The following RELN variants were observed in gnomAD, a reference collection of about 807,000 sequenced individuals.
RELN encodes reelin.
A neutral mutation model predicts 427.6 loss-of-function variants in RELN; 108 were observed. The ratio of observed to expected loss-of-function variants is 0.25; its 90% confidence interval spans 0.22 to 0.30. The LOEUF (loss-of-function observed/expected upper bound fraction) is 0.30. Ranked by LOEUF, RELN falls within the 10% of genes least tolerant of loss-of-function variation. RELN has a pLI of 1.00. For missense variants in RELN, 3,715 were observed against 4,302.8 expected (o/e 0.86, Z 3.82); for synonymous variants, 1,524 against 1,513.4 (o/e 1.01, Z -0.16).
chr7:103,728,609 T>C (rs1228542020), intron 6 of RELN, among the ~76,000 whole-genome samples: 1 of 152,144 alleles, frequency 6.6e-6, no homozygotes, highest in African/African-American at 2.4e-5. Context: ...AATTATATAA[T>C]ATATACATGC....
Position 103,620,755 on chromosome 7 carries a change from T to G in RELN, c.2703-8952A>C, listed in dbSNP as rs1832200312. Among the ~76,000 whole-genome samples, 2 of 152,334 alleles carry G rather than the reference T, an allele frequency of 1.3e-5. No homozygotes were observed. The highest frequency in any genetic ancestry group is 4.1e-4 in the South Asian group (2 of 4,824). On this transcript the variant is annotated intron_variant, in intron 20 of 64. Coordinates refer to ENST00000428762, the MANE Select transcript of RELN (RefSeq NM_005045.4). The surrounding 1 kb of genome is among the most constrained non-coding windows in gnomAD (Gnocchi z 4.1). ...TCCCAAAGTGCTGGGATTACAGGTG[T>G]GAGCCACCGCGCCTGGCCTAACCTG...
intron 8 of RELN, among the ~76,000 whole-genome samples, chr7:103,707,748 C>T (rs995000089): frequency 3.9e-5 from 6 of 152,158 alleles, no homozygotes; most frequent in African/African-American, 1.4e-4. Flanking sequence ...CCACCCACCT[C>T]AGCCTCCCAA....
intron 3 of RELN, among the ~76,000 whole-genome samples, chr7:103,813,100 A>G (rs1792782947): frequency 6.6e-6 from 1 of 152,200 alleles, no homozygotes; most frequent in African/African-American, 2.4e-5. Context: ...TTTTAGGTCA[A>G]TGATGAGGAT....
intron 2 of RELN, among the ~76,000 whole-genome samples, chr7:103,862,303 T>C (rs569044981): frequency 6.6e-6 from 1 of 152,276 alleles, no homozygotes; most frequent in East Asian, 1.9e-4. Flanking sequence ...TTGATAGATG[T>C]TCATAGTCTT....
At position 103,748,054 on chromosome 7, in the gene RELN, T is replaced by C. The variant is rs1790890670; in HGVS notation, c.656+1372A>G. Among the ~76,000 whole-genome samples, 12 of 150,834 alleles carry C rather than the reference T, an allele frequency of 8.0e-5. 1 individual carries two copies. On this transcript the variant is annotated intron_variant, in intron 6 of 64. Coordinates refer to ENST00000428762, the MANE Select transcript of RELN (RefSeq NM_005045.4). ...TTTGCCCTGAAAGAAACAAATCATA[T>C]GATAACATCTATATTAATGGCATAT...
chr7:103,712,152 C>T (rs1219447363), intron 8 of RELN, among the ~76,000 whole-genome samples: 1 of 152,142 alleles, frequency 6.6e-6, no homozygotes, highest in Admixed American at 6.5e-5. Context: ...TACACAAGCA[C>T]ACGAACCTGC....
intron 3 of RELN, among the ~76,000 whole-genome samples, chr7:103,817,041 G>A (rs112136412): frequency 1.3e-4 from 20 of 152,020 alleles, no homozygotes; most frequent in South Asian, 1.0e-3. Flanking sequence ...TAGTAGAGAC[G>A]GGATTTCACC....
At chr7:103,678,446 A>G (rs970664989) in intron 11 of RELN, among the ~76,000 whole-genome samples, 2 of 152,210 alleles carry the variant, frequency 1.3e-5, no homozygotes, top group African/African-American at 2.4e-5. Context: ...CAACTTTAAA[A>G]TCCCACTTAA....
chr7:103,574,081 A>T lies in RELN; in HGVS notation c.4511+11T>A. 1 of 1,601,750 alleles carries T rather than the reference A, an allele frequency of 6.2e-7. No homozygotes were observed. Among genetic ancestry groups the T allele is most frequent in the South Asian group, 1.1e-5 (1 of 90,810 alleles). The stretch of plus-strand genomic sequence containing the variant: ...TGTTTGTGAAAAAGTATACCAGTTA[A>T]TACTTGTTACCTGATATTCCTGGTG... On this transcript the variant is annotated intron_variant, in intron 30 of 64. Transcript: ENST00000428762.
At position 103,620,895 on chromosome 7, in the gene RELN, C is replaced by T. The variant is rs1832203452; in HGVS notation, c.2702+9045G>A. On this transcript the variant is annotated intron_variant, in intron 20 of 64. Coordinates refer to ENST00000428762, the MANE Select transcript of RELN (RefSeq NM_005045.4). The surrounding 1 kb of genome is among the most constrained non-coding windows in gnomAD (Gnocchi z 4.1). Reference sequence around the variant, plus strand: ...AACATCACTTCCTTTTAGAACAGAACACACTGGTTGATGTAGTCAGGCCTG... The same window carrying T: ...AACATCACTTCCTTTTAGAACAGAATACACTGGTTGATGTAGTCAGGCCTG... Among the ~76,000 whole-genome samples, 1 of 152,162 alleles carries T rather than the reference C, an allele frequency of 6.6e-6. No individual in the cohort carries two copies. The highest frequency in any genetic ancestry group is 2.1e-4 in the South Asian group (1 of 4,830).
Position 103,605,944 on chromosome 7 carries a change from C to T in RELN, c.3009-1461G>A, listed in dbSNP as rs362684. 9.3e-3 allele frequency among the ~76,000 whole-genome samples: 1,413 copies of T among 152,226 alleles called. 25 individuals are homozygous for T. Among genetic ancestry groups the T allele is most frequent in the African/African-American group, 0.032 (1,343 of 41,528 alleles). On this transcript the variant is annotated intron_variant, in intron 22 of 64. Coordinates refer to ENST00000428762, the MANE Select transcript of RELN (RefSeq NM_005045.4). ...ATATCAGTGCTTGTCATGGAACATA[C>T]GATGGGACAGATGCACCACCTCCTC...
chr7:103,662,977 C>G (rs968752592), intron 11 of RELN, among the ~76,000 whole-genome samples: 13 of 152,182 alleles, frequency 8.5e-5, no homozygotes, highest in African/African-American at 3.1e-4. Context: ...CATGTCTCTT[C>G]TGCCTTGTAC....
chr7:103,603,446 G>A lies in RELN; in HGVS notation c.3191C>T (p.Ala1064Val). The A allele has an allele frequency of 6.2e-7, 1 of 1,613,922 alleles. No homozygotes were observed. Among genetic ancestry groups the A allele is most frequent in the Non-Finnish European group, 8.5e-7 (1 of 1,179,868 alleles). Residue 1064 changes from alanine to valine, a missense_variant, in exon 24 of 65, where the codon GCC becomes GTC. Coordinates refer to ENST00000428762, the MANE Select transcript of RELN (RefSeq NM_005045.4). This position sits in a 1 kb window ranked among gnomAD's most constrained non-coding sequence, Gnocchi z 4.3. ...YQGTECHPEA[A>V]LPSTIMSDFE... The stretch of plus-strand genomic sequence containing the variant: ...ATCTGACATAATTGTGGACGGAAGG[G>A]CAGCTTCTGGGTGGCATTCAGTGCC...
chr7:103,617,167 A>AGT (rs1400785499), intron 20 of RELN, among the ~76,000 whole-genome samples: 2 of 151,976 alleles, frequency 1.3e-5, no homozygotes, highest in African/African-American at 2.4e-5. Context: ...CTACATATAC[A>AGT]GTGTGTGTGT....
At chr7:103,936,284 C>T (rs1053303201) in intron 1 of RELN, among the ~76,000 whole-genome samples, 4 of 151,802 alleles carry the variant, frequency 2.6e-5, no homozygotes, top group Non-Finnish European at 4.4e-5. Flanking sequence ...GTAGAGATGG[C>T]GTTTCAACAT....
intron 4 of RELN, among the ~76,000 whole-genome samples, chr7:103,755,563 G>A (rs1458863048): frequency 6.9e-6 from 1 of 144,924 alleles, no homozygotes; most frequent in Non-Finnish European, 1.5e-5. Flanking sequence ...AGCTAAGATC[G>A]CGCCACCGCA....
At position 103,989,356 on chromosome 7, in the gene RELN, T is replaced by TGACGCC; in HGVS notation, c.-1_1insGGCGTC. ...TGCCGGGCCCAGCCACTGCGCTCCA[T>TGACGCC]GCCGCCGCCGCCGCCGCCGCCGCCG... On this transcript the variant is annotated 5_prime_UTR_variant, in exon 1 of 65. Coordinates refer to ENST00000428762, the MANE Select transcript of RELN (RefSeq NM_005045.4). This position sits in a 1 kb window ranked among gnomAD's most constrained non-coding sequence, Gnocchi z 4.9. The TGACGCC allele has an allele frequency of 7.1e-7, 1 of 1,407,848 alleles. No homozygotes were observed. The highest frequency in any genetic ancestry group is 2.8e-5 in the Admixed American group (1 of 36,240). 87.2% of individuals were successfully genotyped at this position (1,407,848 alleles called of 1,614,324 possible). A position where few individuals can be genotyped will look rare whatever the true frequency, so the allele number is the denominator to read the frequency against.
At chr7:103,643,336 T>C (rs183981224) in intron 16 of RELN, among the ~76,000 whole-genome samples, 8 of 152,020 alleles carry the variant, frequency 5.3e-5, no homozygotes, top group Admixed American at 3.9e-4. Flanking sequence ...TCTCTGAAAA[T>C]AGGAATGCTA....
At chr7:103,975,048 G>A (rs1285964285) in intron 1 of RELN, among the ~76,000 whole-genome samples, 3 of 152,206 alleles carry the variant, frequency 2.0e-5, no homozygotes, top group Non-Finnish European at 4.4e-5. Flanking sequence ...CAGAAGACAT[G>A]AGAATTTTGT....
Sources: allele counts gnomAD v4.1 joint callset (sites outside exome capture counted in the v4.1 genomes callset), GRCh38; gene constraint gnomAD v4.1.1; non-coding constraint Gnocchi (gnomAD v3.1); transcripts MANE v1.5; gene names NCBI Gene and HGNC (gene_info 2026-07-23, HGNC 2026-07-21).